The following UPF2 variants were observed in gnomAD, a reference collection of about 807,000 sequenced individuals.
UPF2 encodes the protein regulator of nonsense transcripts 2.
A neutral mutation model predicts 141.4 loss-of-function variants in UPF2; 17 were observed. The ratio of observed to expected loss-of-function variants is 0.12; its 90% CI spans 0.08 to 0.18. UPF2 has a LOEUF of 0.18. UPF2 is among the 10% of genes least tolerant of loss of function. The probability of loss-of-function intolerance (pLI) is 1.00; values close to 1 mark genes in which losing one functional copy is unlikely to be tolerated. For synonymous variants in UPF2, 540 were observed against 498.0 expected (o/e 1.08, Z -1.12); for missense variants, 1,152 against 1,515.9 (o/e 0.76, Z 3.99).
rs141599197 is a variant in UPF2, at chr10:11,938,313, T to A, written c.3379-1601A>T. Among the ~76,000 whole-genome samples the A allele has an allele frequency of 1.6e-3, 242 of 152,288 alleles. 1 individual carries two copies. The highest frequency in any genetic ancestry group is 5.4e-3 in the African/African-American group (224 of 41,566). The stretch of plus-strand genomic sequence containing the variant: ...AATTATTGACAGACAATTTTTTTTT[T>A]AAATGATCCTTCCCACACATGGAAG... On this transcript the variant is annotated intron_variant, in intron 18 of 21. Coordinates refer to ENST00000357604, the MANE Select transcript of UPF2 (RefSeq NM_015542.4).
intron 3 of UPF2, among the ~76,000 whole-genome samples, chr10:12,017,762 CT>C (rs1834248128): frequency 1.3e-5 from 2 of 151,998 alleles, no homozygotes; most frequent in African/African-American, 4.8e-5. Flanking sequence ...TATTATTATA[CT>C]TTAAGTTCTG....
chr10:12,035,200 T>C lies in UPF2; in HGVS notation c.224A>G (p.Lys75Arg). ...CTCTGCCTTCACCTTTTCTTCGTCT[T>C]TTTTCTTGCGTTCCTTGTCTTCCTT... is the stretch of plus-strand genomic sequence containing the variant. Reference protein sequence around the residue: ...RKKEDKERKKKDEEKVKAEEE... With the variant: ...RKKEDKERKKRDEEKVKAEEE... The change falls in exon 2 of 22, where the codon AAA (lysine) becomes AGA (arginine). Residue 75 changes from lysine (K) to arginine (R), a missense_variant. Physicochemically the swap from Lys to Arg is conservative, Grantham distance 26. Around this residue, in one of 4 missense-constraint regions of UPF2, gnomAD observed 145 missense variants for 136.5 expected, o/e 1.06. Transcript: ENST00000357604. 1 of 1,613,742 alleles carries C rather than the reference T, an allele frequency of 6.2e-7. No individual in the cohort carries two copies. Among genetic ancestry groups the C allele is most frequent in the Non-Finnish European group, 8.5e-7 (1 of 1,179,990 alleles).
In UPF2 at chr10:11,999,000, G is replaced by A. The variant is rs1001790733; in HGVS notation, c.1758+906C>T. Among the ~76,000 whole-genome samples the A allele has an allele frequency of 1.7e-4, 25 of 149,754 alleles. No individual in the cohort carries two copies. The highest frequency in any genetic ancestry group is 4.9e-4 in the African/African-American group (20 of 40,790). On this transcript the variant is annotated intron_variant, in intron 7 of 21. Coordinates refer to ENST00000357604, the MANE Select transcript of UPF2 (RefSeq NM_015542.4). The surrounding 1 kb of genome is among the most constrained non-coding windows in gnomAD (Gnocchi z 4.5). The stretch of plus-strand genomic sequence containing the variant: ...AGACCGTGCCACTGCACTCCAGACC[G>A]GGCAACAGAGCAAGACTCCACTCAA...
rs540823589 is a variant in UPF2, at chr10:12,013,565, G to GC, written c.1306+458dup. Among the ~76,000 whole-genome samples, 1,049 of 152,134 alleles carry GC rather than the reference G, an allele frequency of 6.9e-3. 7 individuals carry two copies. The highest frequency in any genetic ancestry group is 0.011 in the Non-Finnish European group (774 of 67,998). On this transcript the variant is annotated intron_variant, in intron 4 of 21. Transcript: ENST00000357604. ...TAGGATTACAGGCATGAGCCACTGCGCCCGGCCACCCTTAAGATTTCTAAG... is the reference window on the plus strand; with the variant it reads ...TAGGATTACAGGCATGAGCCACTGCGCCCCGGCCACCCTTAAGATTTCTAAG...
intron 11 of UPF2, 84 bp downstream of exon 11, chr10:11,963,925 A>C (rs1411931732): frequency 1.1e-6 from 1 of 918,022 alleles, no homozygotes; most frequent in Non-Finnish European, 1.7e-6. Flanking sequence ...GAATAAGATA[A>C]CCAGCACTGG....
intron 3 of UPF2, chr10:12,026,785 T>G (rs1192069086): frequency 2.0e-5 from 8 of 394,818 alleles, no homozygotes; most frequent in Non-Finnish European, 2.9e-5. Context: ...CACAAGTAGC[T>G]GGGATTACCG....
Position 12,014,426 on chromosome 10 carries a change from A to G in UPF2, c.1146-242T>C, listed in dbSNP as rs1041135420. Among the ~76,000 whole-genome samples, 3 of 152,222 alleles carry G rather than the reference A, an allele frequency of 2.0e-5. No individual in the cohort carries two copies. Among genetic ancestry groups the G allele is most frequent in the Non-Finnish European group, 2.9e-5 (2 of 68,042 alleles). ...TATGCAGCATGCTTGCTGAAATACA[A>G]TATTTAACAATATACATCTAAATAA... On this transcript the variant is annotated intron_variant, in intron 3 of 21. Transcript: ENST00000357604. This position sits in a 1 kb window ranked among gnomAD's most constrained non-coding sequence, Gnocchi z 5.0.
At chr10:11,965,929 AAAC>A (rs1345375432) in intron 10 of UPF2, among the ~76,000 whole-genome samples, 2 of 152,212 alleles carry the variant, frequency 1.3e-5, no homozygotes, top group South Asian at 2.1e-4. Context: ...TTATAGAAAA[AAAC>A]AACCTTAGTA....
chr10:11,984,476 T>C (rs1458874302), intron 8 of UPF2, among the ~76,000 whole-genome samples: 2 of 152,194 alleles, frequency 1.3e-5, no homozygotes, highest in Non-Finnish European at 2.9e-5. Flanking sequence ...CTAAAACTTT[T>C]ATCTTAGTTG....
chr10:11,920,827 A>G lies in UPF2; in HGVS notation c.*471T>C, dbSNP rs1426275242. The G allele has an allele frequency of 5.8e-6, 2 of 345,702 alleles. No individual in the cohort carries two copies. The highest frequency in any genetic ancestry group is 7.6e-5 in the Admixed American group (2 of 26,438). The allele number at this position is 345,702 out of a possible 1,614,324, so 21.4% of individuals were successfully genotyped here. On this transcript the variant is annotated 3_prime_UTR_variant, in exon 22 of 22. Transcript: ENST00000357604. ...TTTCCTGCTTGCTCTATACTTTTCT[A>G]CTGTAGTCCTGGAGCCCCCAAATGT...
chr10:11,973,559 G>C (rs1256513148), intron 9 of UPF2, among the ~76,000 whole-genome samples: 1 of 152,120 alleles, frequency 6.6e-6, no homozygotes, highest in African/African-American at 2.4e-5. Context: ...ATTAATTTTT[G>C]TATAAGGTGT....
Position 11,931,623 on chromosome 10 carries a change from T to C in UPF2, c.3688+18A>G. ...AAGGCAACAAAAATTTCCACTTCTC[T>C]TATAGATGATTTTATACCTTGATAA... On this transcript the variant is annotated intron_variant, in intron 20 of 21. Coordinates refer to ENST00000357604, the MANE Select transcript of UPF2 (RefSeq NM_015542.4). The surrounding 1 kb of genome is among the most constrained non-coding windows in gnomAD (Gnocchi z 5.9). 6.3e-7 allele frequency: 1 copy of C among 1,577,212 alleles called. No homozygotes were observed. Among genetic ancestry groups the C allele is most frequent in the Non-Finnish European group, 8.6e-7 (1 of 1,166,630 alleles).
intron 4 of UPF2, among the ~76,000 whole-genome samples, chr10:12,013,099 T>C (rs1029822714): frequency 6.7e-6 from 1 of 148,506 alleles, no homozygotes; most frequent in African/African-American, 2.5e-5. Context: ...CACTCCAGCC[T>C]GAGCGACAGA....
Position 12,004,654 on chromosome 10 carries a change from T to C in UPF2, c.1380A>G (p.Glu460=). ...CATAAAAATTCCGAGCATCTTCATC[T>C]TCCCATATACCACCTTCCAAGTCAT... ...GEYDLEGGIW[E]DEDARNFYEN... is the part of the protein sequence containing the mutation. Residue 460 remains glutamate (E), a synonymous_variant, in exon 5 of 22, where the codon GAA becomes GAG. Transcript: ENST00000357604. The C allele has an allele frequency of 6.2e-7, 1 of 1,613,916 alleles. No individual in the cohort carries two copies. The highest frequency in any genetic ancestry group is 8.5e-7 in the Non-Finnish European group (1 of 1,179,914).
rs765117092 is a variant in UPF2 at position 12,029,251 on chromosome 10, T to C, written c.639A>G (p.Lys213=). 4 of 1,614,046 alleles carry C rather than the reference T, an allele frequency of 2.5e-6. No homozygotes were observed. In the African/African-American group the frequency reaches 5.3e-5, roughly 22 times the overall value. Residue 213 remains lysine, a synonymous_variant, in exon 3 of 22, where the codon AAA becomes AAG. Coordinates refer to ENST00000357604, the MANE Select transcript of UPF2 (RefSeq NM_015542.4). ...CACAGTTCACATCAGAGATTTTTAG[T>C]TTTGCTTCCACGATGGAAGCTACAG... ...AEAVASIVEA[K]LKISDVNCAV...
intron 5 of UPF2, among the ~76,000 whole-genome samples, chr10:12,002,073 C>T (rs1397865377): frequency 6.6e-6 from 1 of 152,058 alleles, no homozygotes. Flanking sequence ...GAGTTTGAGA[C>T]CAGCCTGACC....
At chr10:12,000,282 T>C (rs1185147126) in intron 6 of UPF2, among the ~76,000 whole-genome samples, 3 of 152,206 alleles carry the variant, frequency 2.0e-5, no homozygotes, top group African/African-American at 7.2e-5. Context: ...AGTGTTATGG[T>C]AAATGTTATT....
intron 16 of UPF2, among the ~76,000 whole-genome samples, chr10:11,946,234 T>C (rs912147648): frequency 6.6e-6 from 1 of 152,198 alleles, no homozygotes; most frequent in African/African-American, 2.4e-5. Context: ...AGTTAAACCA[T>C]TCCAAATTTC....
chr10:12,012,701 A>G (rs1834150611), intron 4 of UPF2, among the ~76,000 whole-genome samples: 1 of 151,494 alleles, frequency 6.6e-6, no homozygotes, highest in Non-Finnish European at 1.5e-5. Flanking sequence ...CGGGAGGCTG[A>G]GGCAGAAGAA....
Sources: allele counts gnomAD v4.1 joint callset (sites outside exome capture counted in the v4.1 genomes callset), GRCh38; gene constraint gnomAD v4.1.1; regional missense constraint gnomAD v4.1.1; non-coding constraint Gnocchi (gnomAD v3.1); transcripts MANE v1.5; gene names NCBI Gene and HGNC (gene_info 2026-07-23, HGNC 2026-07-21).